Variants in DDX4 observed in about 807,000 individuals in gnomAD.
DDX4 encodes the protein DEAD-box helicase 4.
Under a neutral mutation model 100.0 loss-of-function variants are expected in DDX4, and 25 were observed. The ratio of observed to expected loss-of-function variants is 0.25; its 90% CI spans 0.18 to 0.35. The LOEUF (loss-of-function observed/expected upper bound fraction) is 0.35. Ranked by LOEUF, DDX4 falls within the 10% of genes least tolerant of loss-of-function variation. The pLI is 1.00. For synonymous variants in DDX4, 259 were observed against 275.7 expected (o/e 0.94, Z 0.60); for missense variants, 635 against 882.4 (o/e 0.72, Z 3.55).
Position 55,811,090 on chromosome 5 carries a change from A to G in DDX4, c.1616-2583A>G, listed in dbSNP as rs199631407. Among the ~76,000 whole-genome samples the G allele has an allele frequency of 2.8e-3, 427 of 151,946 alleles. 4 individuals carry two copies. The highest frequency in any genetic ancestry group is 9.9e-3 in the African/African-American group (409 of 41,474). On this transcript the variant is annotated intron_variant, in intron 18 of 21. Coordinates refer to ENST00000505374, the MANE Select transcript of DDX4 (RefSeq NM_024415.3). ...CTGCTGTCTAGGCTGATTACAAGGA[A>G]GGTAAAGAATAACTTTTTATCCAGT...
chr5:55,749,459 C>T (rs1759421415), intron 3 of DDX4, among the ~76,000 whole-genome samples: 1 of 152,090 alleles, frequency 6.6e-6, no homozygotes, highest in Non-Finnish European at 1.5e-5. Flanking sequence ...TGAACCTTGC[C>T]TGCCTTGTAT....
intron 18 of DDX4, among the ~76,000 whole-genome samples, chr5:55,813,398 T>C (rs903780310): frequency 6.6e-6 from 1 of 152,306 alleles, no homozygotes; most frequent in African/African-American, 2.4e-5. Context: ...CAGGCAGATA[T>C]GATTTACCTT....
intron 15 of DDX4, 75 bp from the exon 16 acceptor site, chr5:55,790,501 G>T: frequency 9.9e-7 from 1 of 1,008,304 alleles, no homozygotes; most frequent in Non-Finnish European, 1.5e-6. Context: ...TTTGGATTTT[G>T]TTTTATATCT....
chr5:55,795,578 TG>T (rs1742879492), intron 17 of DDX4, among the ~76,000 whole-genome samples: 2 of 152,330 alleles, frequency 1.3e-5, no homozygotes, highest in South Asian at 4.1e-4. Context: ...AGGCCCAGCC[TG>T]GGCAACATAG....
At chr5:55,810,347 C>T (rs371793233) in intron 18 of DDX4, among the ~76,000 whole-genome samples, 260 of 152,246 alleles carry the variant, frequency 1.7e-3, no homozygotes, top group African/African-American at 4.1e-3. Context: ...TCAGGTGATC[C>T]GCCCGCCTTG....
At chr5:55,805,651 G>T (rs1743649250) in intron 18 of DDX4, among the ~76,000 whole-genome samples, 1 of 152,200 alleles carries the variant, frequency 6.6e-6, no homozygotes, top group African/African-American at 2.4e-5. Flanking sequence ...CATTGAACCA[G>T]CCTTGCATCC....
At chr5:55,778,981 C>T (rs1324128947) in intron 7 of DDX4, among the ~76,000 whole-genome samples, 1 of 151,656 alleles carries the variant, frequency 6.6e-6, no homozygotes, top group African/African-American at 2.4e-5. Flanking sequence ...AGGCTAAGTA[C>T]ATAGTTGATA....
chr5:55,803,831 G>A (rs1743501003), intron 18 of DDX4, among the ~76,000 whole-genome samples: 1 of 152,022 alleles, frequency 6.6e-6, no homozygotes, highest in South Asian at 2.1e-4. Flanking sequence ...TAGTCCTTTG[G>A]GTATGTACCC....
At chr5:55,768,702 A>G (rs891800670) in intron 7 of DDX4, among the ~76,000 whole-genome samples, 2 of 152,174 alleles carry the variant, frequency 1.3e-5, no homozygotes, top group East Asian at 1.9e-4. Flanking sequence ...AGAAATCGCC[A>G]CACTGTTTTC....
chr5:55,816,186 C>G (rs759518223), intron 21 of DDX4, among the ~76,000 whole-genome samples: 35 of 152,230 alleles, frequency 2.3e-4, no homozygotes, highest in Admixed American at 2.6e-4. Context: ...TATGCTGATT[C>G]ATTGAGTGTA....
chr5:55,814,848 C>G, intron 19 of DDX4, 53 bp from the exon 20 acceptor site: 1 of 1,541,680 alleles, frequency 6.5e-7, no homozygotes. Context: ...TTTAATGATT[C>G]ACTTTAATGA....
At chr5:55,772,673 GCC>G (rs1741324010) in intron 7 of DDX4, among the ~76,000 whole-genome samples, 1 of 152,068 alleles carries the variant, frequency 6.6e-6, no homozygotes. Flanking sequence ...TGAGTGAGTT[GCC>G]TACTAGTTCC....
At chr5:55,742,136 T>G (rs771677152) in intron 2 of DDX4, 40 of 456,044 alleles carry the variant, frequency 8.8e-5, no homozygotes, top group South Asian at 6.2e-4. Context: ...CAGCGAAAGA[T>G]GTGAAGTTAA....
intron 3 of DDX4, among the ~76,000 whole-genome samples, chr5:55,752,863 A>T (rs970443869): frequency 6.7e-6 from 1 of 149,260 alleles, no homozygotes; most frequent in South Asian, 2.2e-4. Flanking sequence ...CTGACTTTTG[A>T]ATGATTGCCA....
intron 17 of DDX4, among the ~76,000 whole-genome samples, chr5:55,797,364 C>G (rs1743027974): frequency 6.6e-6 from 1 of 152,142 alleles, no homozygotes; most frequent in South Asian, 2.1e-4. Flanking sequence ...TTTGTACTCC[C>G]AGTACCTTGT....
intron 7 of DDX4, among the ~76,000 whole-genome samples, chr5:55,772,255 A>G (rs1049572946): frequency 6.6e-6 from 1 of 152,220 alleles, no homozygotes; most frequent in Admixed American, 6.5e-5. Context: ...TTATTTTTGT[A>G]TATAATGTGG....
intron 3 of DDX4, among the ~76,000 whole-genome samples, chr5:55,754,590 G>T (rs1197570623): frequency 2.7e-5 from 4 of 150,914 alleles, no homozygotes; most frequent in African/African-American, 9.8e-5. Context: ...TTTTATTGAG[G>T]ATTTTTGCAT....
intron 17 of DDX4, among the ~76,000 whole-genome samples, chr5:55,794,401 T>C (rs1561508796): frequency 6.6e-6 from 1 of 151,022 alleles, no homozygotes; most frequent in African/African-American, 2.4e-5. Flanking sequence ...GGTTTCACCA[T>C]GTTGGCCAGG....
intron 2 of DDX4, among the ~76,000 whole-genome samples, chr5:55,744,111 G>A (rs1022215671): frequency 2.6e-5 from 4 of 151,962 alleles, no homozygotes; most frequent in Admixed American, 2.6e-4. Context: ...TTATTTTTGT[G>A]CCCTTAATGA....
Sources: allele counts gnomAD v4.1 joint callset (sites outside exome capture counted in the v4.1 genomes callset), GRCh38; gene constraint gnomAD v4.1.1; transcripts MANE v1.5; gene names NCBI Gene and HGNC (gene_info 2026-07-23, HGNC 2026-07-21).